The following CCDC192 variants were observed in gnomAD, a reference collection of about 807,000 sequenced individuals.
CCDC192 encodes the protein coiled-coil domain containing 192.
At chr5:127,918,857 A>ATG (rs10675527) in intron 6 of CCDC192, among the ~76,000 whole-genome samples, 51,215 of 151,290 alleles carry the variant, frequency 0.34, 11,926 homozygotes, top group African/African-American at 0.67. Flanking sequence ...ATGTATGTGC[A>ATG]TGTGTGTATA....
intron 2 of CCDC192, among the ~76,000 whole-genome samples, chr5:127,713,280 C>T (rs1356028250): frequency 6.6e-6 from 1 of 151,820 alleles, no homozygotes; most frequent in Non-Finnish European, 1.5e-5. Context: ...AGTTATAACT[C>T]ATTGTGGTTT....
At chr5:127,926,531 G>A (rs753812788) in intron 6 of CCDC192, among the ~76,000 whole-genome samples, 2 of 152,116 alleles carry the variant, frequency 1.3e-5, no homozygotes, top group Non-Finnish European at 1.5e-5. Flanking sequence ...TAACGGGGGT[G>A]GAGATAATAA....
intron 3 of CCDC192, chr5:127,786,676 C>A: frequency 1.3e-6 from 1 of 760,638 alleles, no homozygotes; most frequent in Middle Eastern, 2.5e-4. Context: ...AATCAGTAAT[C>A]TTCCCATTGT....
chr5:127,805,764 C>A (rs1042334924), intron 5 of CCDC192, among the ~76,000 whole-genome samples: 5 of 152,084 alleles, frequency 3.3e-5, no homozygotes, highest in Admixed American at 3.3e-4. Context: ...TAAAATGAGC[C>A]CCTCTCTGTA....
intron 6 of CCDC192, among the ~76,000 whole-genome samples, chr5:127,925,801 C>T (rs1753846760): frequency 6.6e-6 from 1 of 152,136 alleles, no homozygotes; most frequent in African/African-American, 2.4e-5. Flanking sequence ...CCTACTTTCC[C>T]CTTGGCATCT....
rs1756563831 is a variant in CCDC192 at position 127,786,770 on chromosome 5, CTTAAG to C, written c.223-10330_223-10326del. 10 of 651,598 alleles carry C rather than the reference CTTAAG, an allele frequency of 1.5e-5. No individual in the cohort carries two copies. In the South Asian group the frequency reaches 1.6e-4, roughly 10 times the overall value. The allele number at this position is 651,598 out of a possible 1,614,324, so 40.4% of individuals were successfully genotyped here. A position where few individuals can be genotyped will look rare whatever the true frequency, so the allele number is the denominator to read the frequency against. On this transcript the variant is annotated intron_variant, in intron 3 of 6. Transcript: ENST00000514853. ...TTGTCAAGTAATTATTCAAAAATTA[CTTAAG>C]TTGTTTGTATAATTCCAGGCCAATG...
chr5:127,881,515 T>A (rs1046140167), intron 6 of CCDC192, among the ~76,000 whole-genome samples: 3 of 152,220 alleles, frequency 2.0e-5, no homozygotes, highest in African/African-American at 7.2e-5. Context: ...ATCAGAGGGA[T>A]GTTCCAAAAT....
In CCDC192 at chr5:127,877,710, A is replaced by C. The variant is rs1043667093; in HGVS notation, c.535+2049A>C. ...TGGCCTCTGAATTCACTTCAGAATA[A>C]AGTGTGAAAAGATGTCCAGTAACTT... On this transcript the variant is annotated intron_variant, in intron 6 of 6. Coordinates refer to ENST00000514853, the MANE Select transcript of CCDC192 (RefSeq NM_001317938.2). Among the ~76,000 whole-genome samples the C allele has an allele frequency of 5.3e-5, 8 of 152,172 alleles. No homozygotes were observed. The South Asian group carries it at 1.2e-3, about 24-fold the overall frequency.
At chr5:127,730,644 G>A (rs1349172953) in intron 2 of CCDC192, among the ~76,000 whole-genome samples, 1 of 152,076 alleles carries the variant, frequency 6.6e-6, no homozygotes, top group African/African-American at 2.4e-5. Flanking sequence ...ACCAAATCCA[G>A]CAGCACATCA....
At chr5:127,778,393 C>T (rs548718262) in intron 3 of CCDC192, among the ~76,000 whole-genome samples, 91 of 152,188 alleles carry the variant, frequency 6.0e-4, no homozygotes, top group African/African-American at 2.1e-3. Flanking sequence ...TTCCTCTATT[C>T]TATCAATGTG....
intron 3 of CCDC192, among the ~76,000 whole-genome samples, chr5:127,768,667 A>G (rs1331860903): frequency 6.6e-6 from 1 of 152,246 alleles, no homozygotes; most frequent in African/African-American, 2.4e-5. Context: ...GGTCTATTTT[A>G]TGTGCGTAAA....
chr5:127,799,539 C>T (rs1456745476), intron 5 of CCDC192, among the ~76,000 whole-genome samples: 7 of 152,160 alleles, frequency 4.6e-5, no homozygotes, highest in African/African-American at 1.4e-4. Flanking sequence ...ATTTGATACC[C>T]ACAGTCATTC....
intron 6 of CCDC192, among the ~76,000 whole-genome samples, chr5:127,894,155 T>C: frequency 6.6e-6 from 1 of 151,874 alleles, no homozygotes. Flanking sequence ...CTCGTGGGCA[T>C]TCTGATTGCT....
At chr5:127,703,047 T>A (rs1750771064), upstream of CCDC192, among the ~76,000 whole-genome samples, 1 of 152,206 alleles carries the variant, frequency 6.6e-6, no homozygotes, top group Non-Finnish European at 1.5e-5. Context: ...GTGACACCAC[T>A]GATTGCCTGT....
intron 6 of CCDC192, among the ~76,000 whole-genome samples, chr5:127,936,594 AAATG>A (rs1754192644): frequency 6.3e-5 from 1 of 15,874 alleles, no homozygotes; most frequent in African/African-American, 8.4e-5. Flanking sequence ...GAAAGAGGGA[AAATG>A]ATGAAGAATG....
At chr5:127,798,369 C>T (rs754475104) in intron 5 of CCDC192, among the ~76,000 whole-genome samples, 6 of 152,080 alleles carry the variant, frequency 3.9e-5, no homozygotes, top group Non-Finnish European at 7.4e-5. Context: ...CCAAACTGAG[C>T]TCTTATATAT....
chr5:127,837,979 A>G (rs1741916749), intron 5 of CCDC192, among the ~76,000 whole-genome samples: 1 of 149,134 alleles, frequency 6.7e-6, no homozygotes, highest in Non-Finnish European at 1.5e-5. Context: ...CTGGTGATAG[A>G]GCAAGACTCC....
In CCDC192 at chr5:127,852,373, G is replaced by A. The variant is rs570379419; in HGVS notation, c.412-23165G>A. 3.3e-5 allele frequency among the ~76,000 whole-genome samples: 5 copies of A among 152,308 alleles called. 1 individual carries two copies. In the East Asian group the frequency reaches 9.6e-4, roughly 29 times the overall value. On this transcript the variant is annotated intron_variant, in intron 5 of 6. Coordinates refer to ENST00000514853, the MANE Select transcript of CCDC192 (RefSeq NM_001317938.2). ...AAGGTGGGTGTAGCCCTTAAGGGGA[G>A]TACCTGTTCAGCCTGTGGAAGAGAG...
At chr5:127,703,247 T>G (rs1750779459), upstream of CCDC192, 1 of 383,546 alleles carries the variant, frequency 2.6e-6, no homozygotes, top group Non-Finnish European at 4.6e-6. Context: ...GGATCTGATT[T>G]GTGAGATGTT....
Sources: allele counts gnomAD v4.1 joint callset (sites outside exome capture counted in the v4.1 genomes callset), GRCh38; gene constraint gnomAD v4.1.1; transcripts MANE v1.5; gene names NCBI Gene and HGNC (gene_info 2026-07-23, HGNC 2026-07-21).